Variants in DPF3 observed in about 807,000 individuals in gnomAD.
The protein encoded by DPF3 is double PHD fingers 3, also known as zinc finger protein DPF3.
DPF3 carries 18 observed loss-of-function variants against 56.8 expected under a neutral mutation model. The ratio of observed to expected loss-of-function variants is 0.32; its 90% CI spans 0.22 to 0.47. The LOEUF (loss-of-function observed/expected upper bound fraction) is 0.47. Among genes scored for constraint, DPF3 ranks in the 20% least tolerant of loss-of-function variants. The pLI is 1.00. For synonymous variants in DPF3, 188 were observed against 180.2 expected, an observed-to-expected ratio of 1.04 and a Z score of -0.35; for missense variants, 403 against 488.8, an observed-to-expected ratio of 0.82 and a Z score of 1.65.
intron 1 of DPF3, among the ~76,000 whole-genome samples, chr14:72,837,597 G>T (rs1404240387): frequency 6.6e-6 from 1 of 152,104 alleles, no homozygotes; most frequent in Non-Finnish European, 1.5e-5. Context: ...AATTAGCTGG[G>T]CGCAGTGGCA....
chr14:72,671,939 T>C (rs1245324013), intron 8 of DPF3, among the ~76,000 whole-genome samples: 2 of 152,140 alleles, frequency 1.3e-5, no homozygotes, highest in Admixed American at 6.5e-5. Context: ...GAAAGTCTGA[T>C]AAGTGGTAGG....
At chr14:72,679,646 G>A (rs1599351131) in intron 7 of DPF3, among the ~76,000 whole-genome samples, 1 of 152,368 alleles carries the variant, frequency 6.6e-6, no homozygotes, top group Non-Finnish European at 1.5e-5. Context: ...TCCCTCTACA[G>A]GTCTGACATG....
At chr14:72,742,465 C>G (rs1890165985) in intron 3 of DPF3, 1 of 136,226 alleles carries the variant, frequency 7.3e-6, no homozygotes, top group Non-Finnish European at 1.7e-5. Flanking sequence ...CCGCGGGTCC[C>G]TTCCTCCATC....
intron 8 of DPF3, among the ~76,000 whole-genome samples, chr14:72,640,640 A>G (rs765999588): frequency 1.3e-5 from 2 of 152,202 alleles, no homozygotes; most frequent in African/African-American, 2.4e-5. Context: ...AGGCAGAAGT[A>G]AAAAATGGCA....
intron 1 of DPF3, among the ~76,000 whole-genome samples, chr14:72,881,440 G>A (rs1318498803): frequency 1.3e-5 from 2 of 152,156 alleles, no homozygotes; most frequent in East Asian, 3.9e-4. Context: ...CATCACATAA[G>A]GCCAACACTG....
At chr14:72,626,253 C>T (rs528932725) in intron 9 of DPF3, among the ~76,000 whole-genome samples, 34 of 152,202 alleles carry the variant, frequency 2.2e-4, no homozygotes, top group African/African-American at 7.2e-4. Flanking sequence ...TGTTGTTTCT[C>T]CCTTATCCCT....
chr14:72,770,465 T>C (rs1567227413), intron 2 of DPF3, among the ~76,000 whole-genome samples: 1 of 152,252 alleles, frequency 6.6e-6, no homozygotes, highest in Non-Finnish European at 1.5e-5. Context: ...TTGATGATAT[T>C]AAAGTCTTAT....
At chr14:72,728,522 T>A (rs1889504805) in intron 4 of DPF3, among the ~76,000 whole-genome samples, 1 of 152,158 alleles carries the variant, frequency 6.6e-6, no homozygotes, top group South Asian at 2.1e-4. Context: ...GTCACGCTCA[T>A]CCTTTTCGAT....
intron 1 of DPF3, chr14:72,879,687 A>T (rs1886252431): frequency 7.7e-7 from 1 of 1,294,540 alleles, no homozygotes; most frequent in African/African-American, 1.5e-5. Context: ...AGGAGCCACA[A>T]GCAGTTTGCT....
chr14:72,843,635 C>T (rs866227568), intron 1 of DPF3, among the ~76,000 whole-genome samples: 3 of 152,196 alleles, frequency 2.0e-5, no homozygotes, highest in Admixed American at 6.5e-5. Context: ...CTCCACCTCC[C>T]GAGTTCAAGT....
chr14:72,626,176 G>A (rs1229519346), intron 9 of DPF3, among the ~76,000 whole-genome samples: 1 of 151,854 alleles, frequency 6.6e-6, no homozygotes. Context: ...TATCTATTTG[G>A]GAGGTATGTA....
At chr14:72,826,337 A>G (rs1424454780) in intron 1 of DPF3, among the ~76,000 whole-genome samples, 1 of 152,322 alleles carries the variant, frequency 6.6e-6, no homozygotes, top group Middle Eastern at 3.4e-3. Context: ...AGTTTAACCA[A>G]TTAATCCTCT....
At chr14:72,623,839 G>A (rs1884624408) in intron 9 of DPF3, among the ~76,000 whole-genome samples, 1 of 152,124 alleles carries the variant, frequency 6.6e-6, no homozygotes, top group African/African-American at 2.4e-5. Context: ...AAAGACCATT[G>A]CCCACTAAAA....
At chr14:72,720,997 A>C (rs150527607) in intron 5 of DPF3, among the ~76,000 whole-genome samples, 115 of 152,328 alleles carry the variant, frequency 7.5e-4, no homozygotes, top group African/African-American at 2.6e-3. Context: ...GATGTTCTGC[A>C]TTCCTTTTTC....
intron 4 of DPF3, among the ~76,000 whole-genome samples, chr14:72,725,560 A>G (rs1889372403): frequency 6.6e-6 from 1 of 152,052 alleles, no homozygotes; most frequent in Non-Finnish European, 1.5e-5. Flanking sequence ...TCAAGGAGAG[A>G]TGGCATAAGA....
chr14:72,708,890 A>G (rs1888534438), intron 6 of DPF3, among the ~76,000 whole-genome samples: 1 of 152,330 alleles, frequency 6.6e-6, no homozygotes, highest in East Asian at 1.9e-4. Context: ...GAAAGGCGCC[A>G]CTGTGTGGGG....
intron 8 of DPF3, among the ~76,000 whole-genome samples, chr14:72,642,530 C>A (rs1885594162): frequency 6.6e-6 from 1 of 152,174 alleles, no homozygotes; most frequent in Admixed American, 6.5e-5. Flanking sequence ...ATAGTGGGAA[C>A]AAAGATAATT....
At position 72,731,494 on chromosome 14, in the gene DPF3, C is replaced by T; in HGVS notation, c.429+313G>A. ...TCTTGGTTCCATGGGGACAAGGATT[C>T]AGACTGTTTTGTCCACTCTGTGTCC... On this transcript the variant is annotated intron_variant, in intron 4 of 10. Coordinates refer to ENST00000556509, the MANE Select transcript of DPF3 (RefSeq NM_001280542.3). The T allele has an allele frequency of 2.2e-5, 6 of 274,794 alleles. No individual in the cohort carries two copies. The South Asian group carries it at 2.8e-4, about 13-fold the overall frequency. 17.0% of individuals were successfully genotyped at this position (274,794 alleles called of 1,614,324 possible).
At chr14:72,745,267 T>C (rs989713107) in intron 3 of DPF3, among the ~76,000 whole-genome samples, 2 of 152,222 alleles carry the variant, frequency 1.3e-5, no homozygotes, top group African/African-American at 4.8e-5. Flanking sequence ...TTGCTTTTTG[T>C]TGTGCAATTT....
Sources: allele counts gnomAD v4.1 joint callset (sites outside exome capture counted in the v4.1 genomes callset), GRCh38; gene constraint gnomAD v4.1.1; transcripts MANE v1.5; gene names NCBI Gene and HGNC (gene_info 2026-07-23, HGNC 2026-07-21).